C19orf81: variants seen among roughly 807,000 people sequenced by gnomAD.
The protein encoded by C19orf81 is putative uncharacterized protein C19orf81.
A neutral mutation model predicts 22.1 loss-of-function variants in C19orf81; 19 were observed. The ratio of observed to expected loss-of-function variants is 0.86; its 90% confidence interval spans 0.60 to 1.26. C19orf81 has a LOEUF of 1.26. C19orf81 is among the 50% of genes most tolerant of loss of function. C19orf81 has a pLI of 0.00. For synonymous variants in C19orf81, 108 were observed against 113.1 expected, an observed-to-expected ratio of 0.95 and a Z score of 0.29; for missense variants, 287 against 280.7, an observed-to-expected ratio of 1.02 and a Z score of -0.16.
Position 50,650,226 on chromosome 19 carries a change from G to A in C19orf81, c.67+715G>A, listed in dbSNP as rs372601688. 6.7e-4 allele frequency among the ~76,000 whole-genome samples: 102 copies of A among 152,210 alleles called. 1 individual carries two copies. The highest frequency in any genetic ancestry group is 1.9e-3 in the African/African-American group (79 of 41,534). On this transcript the variant is annotated intron_variant, in intron 1 of 4. Coordinates refer to ENST00000425202, the MANE Select transcript of C19orf81 (RefSeq NM_001195076.2). ...GCTCCAGCCTGGCTTTTGAGGCCCT[G>A]TGTGGTCTGACCCCTGCTGACAACT...
At chr19:50,656,453 A>G in intron 3 of C19orf81, 107 bp downstream of exon 3, 1 of 1,398,706 alleles carries the variant, frequency 7.1e-7, no homozygotes, top group Non-Finnish European at 9.4e-7. Context: ...CTTTTGGCTT[A>G]TAAGCTGTGG....
At position 50,659,065 on chromosome 19, in the gene C19orf81, C is replaced by A. The variant is rs752910483; in HGVS notation, c.520C>A (p.Arg174Ser). ...RHDDLLLGDYRLHLRRSLVRR... is the reference protein window; with the variant it reads ...RHDDLLLGDYSLHLRRSLVRR... The stretch of plus-strand genomic sequence containing the variant: ...CGACGACCTCCTGCTGGGCGACTAC[C>A]GCCTGCACCTGCGCCGCTCCCTGGT... The change falls in exon 5 of 5, where the codon CGC becomes AGC. Residue 174 changes from arginine (R) to serine (S), a missense_variant. Coordinates refer to ENST00000425202, the MANE Select transcript of C19orf81 (RefSeq NM_001195076.2). The A allele has an allele frequency of 2.6e-6, 4 of 1,527,436 alleles. No individual in the cohort carries two copies. The East Asian group carries it at 7.5e-5, about 28-fold the overall frequency. 94.6% of individuals were successfully genotyped at this position (1,527,436 alleles called of 1,614,324 possible). A position where few individuals can be genotyped will look rare whatever the true frequency, so the allele number is the denominator to read the frequency against.
intron 3 of C19orf81, among the ~76,000 whole-genome samples, chr19:50,657,421 G>T (rs895210862): frequency 6.6e-6 from 1 of 152,142 alleles, no homozygotes; most frequent in African/African-American, 2.4e-5. Flanking sequence ...GCAATTTTAT[G>T]TGCTATGACA....
At chr19:50,654,360 T>A (rs1984945365) in intron 1 of C19orf81, among the ~76,000 whole-genome samples, 1 of 152,104 alleles carries the variant, frequency 6.6e-6, no homozygotes, top group Non-Finnish European at 1.5e-5. Context: ...TGGAGTGCAG[T>A]GGCGCAATCT....
Position 50,658,936 on chromosome 19 carries a change from C to T in C19orf81, c.402-11C>T, listed in dbSNP as rs770197947. The T allele has an allele frequency of 2.4e-5, 35 of 1,458,380 alleles. No individual in the cohort carries two copies. In the Middle Eastern group the frequency reaches 5.3e-4, roughly 22 times the overall value. The allele number at this position is 1,458,380 out of a possible 1,614,324, so 90.3% of individuals were successfully genotyped here. ...CTGCGAGTTCCTTTTCCGTCCCCAC[C>T]CCCCTTACAGGTGGCTCATCGCGGT... is the stretch of plus-strand genomic sequence containing the variant. On this transcript the variant is annotated splice_polypyrimidine_tract_variant and intron_variant, in intron 4 of 4. Transcript: ENST00000425202.
In C19orf81 at chr19:50,657,984, C is replaced by A; in HGVS notation, c.262-5C>A. ...GGGCTGAGGTTCTCTCTCCGACACC[C>A]GCAGCCCGAGGAGGATTTTACCCAC... On this transcript the variant is annotated splice_region_variant and splice_polypyrimidine_tract_variant and intron_variant, in intron 3 of 4. Transcript: ENST00000425202. 1 of 1,524,176 alleles carries A rather than the reference C, an allele frequency of 6.6e-7. No individual in the cohort carries two copies. The highest frequency in any genetic ancestry group is 1.2e-5 in the South Asian group (1 of 82,530). 94.4% of individuals were successfully genotyped at this position (1,524,176 alleles called of 1,614,324 possible). A position where few individuals can be genotyped will look rare whatever the true frequency, so the allele number is the denominator to read the frequency against.
At chr19:50,652,039 A>G (rs951679497) in intron 1 of C19orf81, among the ~76,000 whole-genome samples, 1 of 152,146 alleles carries the variant, frequency 6.6e-6, no homozygotes, top group Non-Finnish European at 1.5e-5. Flanking sequence ...GCTGGCATGA[A>G]TTGACACCAT....
chr19:50,649,953 G>A (rs1354136387), intron 1 of C19orf81, among the ~76,000 whole-genome samples: 5 of 151,840 alleles, frequency 3.3e-5, no homozygotes, highest in Admixed American at 3.3e-4. Flanking sequence ...AGCCCATCAG[G>A]CCCTATCTTC....
intron 1 of C19orf81, among the ~76,000 whole-genome samples, chr19:50,653,820 G>A (rs1330447861): frequency 3.3e-5 from 5 of 151,836 alleles, no homozygotes; most frequent in Admixed American, 6.6e-5. Context: ...GAGGGTTCAC[G>A]GGGGTGGGGC....
chr19:50,658,572 A>C (rs1985058081), intron 4 of C19orf81: 1 of 246,022 alleles, frequency 4.1e-6, no homozygotes, highest in Admixed American at 5.1e-5. Flanking sequence ...GAGCCTGGAA[A>C]GGCAGCTGTG....
chr19:50,655,266 G>C (rs147973142), intron 1 of C19orf81, among the ~76,000 whole-genome samples: 16 of 152,278 alleles, frequency 1.1e-4, no homozygotes, highest in African/African-American at 3.9e-4. Context: ...AGACCAGTTA[G>C]CTGATGGTGG....
chr19:50,653,961 G>A (rs376006254), intron 1 of C19orf81, among the ~76,000 whole-genome samples: 1 of 152,068 alleles, frequency 6.6e-6, no homozygotes, highest in African/African-American at 2.4e-5. Flanking sequence ...TCGGCTCTGA[G>A]CTGGGAGGGG....
chr19:50,655,282 T>C (rs1436638840), intron 1 of C19orf81, among the ~76,000 whole-genome samples: 1 of 151,884 alleles, frequency 6.6e-6, no homozygotes, highest in Non-Finnish European at 1.5e-5. Context: ...GGTGGGGTGG[T>C]CAAAAAGGGT....
Position 50,658,086 on chromosome 19 carries a change from A to G in C19orf81, c.359A>G (p.Glu120Gly). ...GGGCGCGTGAGCAGCATCCGCTTTG[A>G]GAACATGAACGTCATCTGTGGGACT... ...ESGRVSSIRFENMNVICGTAG... is the reference protein window; with the variant it reads ...ESGRVSSIRFGNMNVICGTAG... The change falls in exon 4 of 5, where the codon GAG (glutamate) becomes GGG (glycine). Residue 120 changes from glutamate (E) to glycine (G), a missense_variant. Physicochemically the swap from Glu to Gly is moderately conservative, Grantham distance 98. Coordinates refer to ENST00000425202, the MANE Select transcript of C19orf81 (RefSeq NM_001195076.2). 1 of 1,535,920 alleles carries G rather than the reference A, an allele frequency of 6.5e-7. No individual in the cohort carries two copies. The highest frequency in any genetic ancestry group is 8.7e-7 in the Non-Finnish European group (1 of 1,146,828).
intron 1 of C19orf81, among the ~76,000 whole-genome samples, chr19:50,650,725 G>A (rs528200692): frequency 1.6e-4 from 24 of 152,316 alleles, no homozygotes; most frequent in Non-Finnish European, 2.9e-4. Context: ...AAAACTCACT[G>A]CAGCCTTGAG....
At chr19:50,650,435 C>T (rs1055880715) in intron 1 of C19orf81, among the ~76,000 whole-genome samples, 2 of 152,182 alleles carry the variant, frequency 1.3e-5, no homozygotes, top group African/African-American at 2.4e-5. Context: ...CTTTGGAGGC[C>T]GAGGTGAGTG....
chr19:50,656,123 G>A lies in C19orf81; in HGVS notation c.140+1G>A, dbSNP rs1172402797. 4.6e-6 allele frequency: 7 copies of A among 1,535,994 alleles called. No homozygotes were observed. Among genetic ancestry groups the A allele is most frequent in the Non-Finnish European group, 5.2e-6 (6 of 1,146,920 alleles). ...GCCTGGGCAGGCCCATCAAATCCTCGTGAGTTGTCCCTGGCCCCCATGACC... is the reference window on the plus strand; with the variant it reads ...GCCTGGGCAGGCCCATCAAATCCTCATGAGTTGTCCCTGGCCCCCATGACC... On this transcript the variant is annotated splice_donor_variant, in intron 2 of 4. Transcript: ENST00000425202. LOFTEE classifies it high-confidence loss of function.
Position 50,649,490 on chromosome 19 carries a change from C to T in C19orf81, c.46C>T (p.Pro16Ser), listed in dbSNP as rs1050467280. The change falls in exon 1 of 5, where the codon CCC becomes TCC. Residue 16 changes from proline (P) to serine (S), a missense_variant. Physicochemically the swap from Pro to Ser is moderately conservative, Grantham distance 74. Transcript: ENST00000425202. ...EPVCFPAMGS[P>S]TMHRKAGALL... is the part of the protein sequence containing the mutation. ...CGTGTGCTTCCCTGCCATGGGCAGC[C>T]CCACCATGCACAGGAAGGCAGGTAC... 2.6e-6 allele frequency: 4 copies of T among 1,536,120 alleles called. No homozygotes were observed. The highest frequency in any genetic ancestry group is 3.5e-6 in the Non-Finnish European group (4 of 1,146,874).
chr19:50,654,598 C>T (rs796437270), intron 1 of C19orf81, among the ~76,000 whole-genome samples: 94 of 149,944 alleles, frequency 6.3e-4, no homozygotes, highest in African/African-American at 2.2e-3. Flanking sequence ...CACCAGGCTC[C>T]GTCCCTCCCT....
Sources: gnomAD v4.1 joint callset for allele counts (sites outside exome capture counted in the v4.1 genomes callset) on GRCh38, gnomAD v4.1.1 for gene constraint, MANE v1.5 for transcripts, NCBI Gene and HGNC (gene_info 2026-07-23, HGNC 2026-07-21) for gene names.